The following OTUD5 variants were observed in gnomAD, a reference collection of about 807,000 sequenced individuals.
OTUD5 encodes the protein OTU domain-containing protein 5.
A neutral mutation model predicts 36.3 loss-of-function variants in OTUD5; 2 were observed. The ratio of observed to expected loss-of-function variants is 0.06; its 90% CI spans 0.02 to 0.17. The LOEUF (loss-of-function observed/expected upper bound fraction) is 0.17. Ranked by LOEUF, OTUD5 falls within the 10% of genes least tolerant of loss-of-function variation. The pLI is 1.00. For missense variants in OTUD5, 233 were observed against 512.3 expected, an observed-to-expected ratio of 0.45 and a Z score of 5.26; for synonymous variants, 234 against 214.9, an observed-to-expected ratio of 1.09 and a Z score of -0.78.
chrX:48,938,084 C>T (rs1200806611), intron 2 of OTUD5, among the ~76,000 whole-genome samples: 1 of 111,859 alleles, frequency 8.9e-6, no homozygotes, highest in African/African-American at 3.3e-5. Context: ...AAAGTATGGA[C>T]GAGTTATGAC....
intron 2 of OTUD5, 64 bp downstream of exon 2, chrX:48,944,126 C>A (rs1344834141): frequency 2.5e-6 from 2 of 805,285 alleles, no homozygotes; most frequent in Non-Finnish European, 3.7e-6. Context: ...AGGGGCTATT[C>A]CTGATAACTG....
intron 1 of OTUD5, among the ~76,000 whole-genome samples, chrX:48,949,384 A>T (rs1423446269): frequency 8.9e-6 from 1 of 111,809 alleles, no homozygotes; most frequent in Non-Finnish European, 1.9e-5. Flanking sequence ...TCTCATCTCT[A>T]CAAAAAATAC....
At chrX:48,950,979 T>G (rs1432723036) in intron 1 of OTUD5, among the ~76,000 whole-genome samples, 1 of 110,668 alleles carries the variant, frequency 9.0e-6, no homozygotes, top group Non-Finnish European at 1.9e-5. Flanking sequence ...GCCTCACAGG[T>G]GTGAGACAAT....
At chrX:48,944,106 A>G (rs2063980727) in intron 2 of OTUD5, 84 bp downstream of exon 2, 2 of 668,181 alleles carry the variant, frequency 3.0e-6, no homozygotes, top group Non-Finnish European at 4.8e-6. Context: ...CTCTGCCTCA[A>G]CCCTGTCTCA....
chrX:48,931,764 G>T (rs2063755853), intron 5 of OTUD5, among the ~76,000 whole-genome samples: 1 of 94,473 alleles, frequency 1.1e-5, no homozygotes, highest in Admixed American at 1.2e-4. Context: ...GGGTAACAGA[G>T]AGAAACTCTG....
chrX:48,944,572 G>A (rs1344471846), intron 1 of OTUD5, among the ~76,000 whole-genome samples: 2 of 112,459 alleles, frequency 1.8e-5, no homozygotes, highest in South Asian at 7.2e-4. Flanking sequence ...GGCCCAGGGA[G>A]CCACACTGCC....
rs1602359263 is a variant in OTUD5, at chrX:48,923,010, AGAGT to A, written c.*160_*163del. 2.7e-6 allele frequency: 3 copies of A among 1,099,315 alleles called. No individual in the cohort carries two copies. The African/African-American group carries it at 5.6e-5, about 21-fold the overall frequency. 90.6% of individuals were successfully genotyped at this position (1,099,315 alleles called of 1,213,427 possible). ...GTGATAGTGGCAGCGGCAATGAGAG[AGAGT>A]GCAGGGGTGGGCTAGCCAGAGGGAA... On this transcript the variant is annotated 3_prime_UTR_variant, in exon 9 of 9. Coordinates refer to ENST00000376488, the MANE Select transcript of OTUD5 (RefSeq NM_001136157.2).
At chrX:48,931,373 T>A (rs1443065158) in intron 5 of OTUD5, among the ~76,000 whole-genome samples, 1 of 112,470 alleles carries the variant, frequency 8.9e-6, no homozygotes, top group African/African-American at 3.2e-5. Flanking sequence ...AAAGAGACAT[T>A]TCCTACAAAA....
intron 5 of OTUD5, among the ~76,000 whole-genome samples, chrX:48,927,367 C>T (rs1360540756): frequency 1.8e-5 from 2 of 111,273 alleles, no homozygotes; most frequent in African/African-American, 3.3e-5. Context: ...TGGGATCCCA[C>T]AGGTTGAGGG....
At chrX:48,937,173 G>A (rs1429944037) in intron 2 of OTUD5, among the ~76,000 whole-genome samples, 3 of 111,449 alleles carry the variant, frequency 2.7e-5, no homozygotes, top group Non-Finnish European at 3.8e-5. Context: ...ACTCTCCCCC[G>A]CCCTCCCCAG....
chrX:48,947,607 G>T (rs2147650940), intron 1 of OTUD5, among the ~76,000 whole-genome samples: 1 of 109,273 alleles, frequency 9.2e-6, no homozygotes, highest in South Asian at 4.0e-4. Flanking sequence ...GGAGGCTGAG[G>T]CAGGAGAATC....
chrX:48,952,993 CCAAGGTGTG>C (rs1193203243), intron 1 of OTUD5, among the ~76,000 whole-genome samples: 6 of 112,085 alleles, frequency 5.4e-5, no homozygotes, highest in African/African-American at 1.9e-4. Context: ...CGGCCAAGGT[CCAAGGTGTG>C]CAAGGTCAGA....
intron 5 of OTUD5, among the ~76,000 whole-genome samples, chrX:48,929,335 C>A (rs1191003363): frequency 5.5e-5 from 6 of 109,696 alleles, no homozygotes; most frequent in Non-Finnish European, 1.1e-4. Context: ...TTGCAGTGAG[C>A]CGAGATCGCA....
At chrX:48,947,347 TGTATTCTA>T (rs1489809152) in intron 1 of OTUD5, among the ~76,000 whole-genome samples, 1 of 109,942 alleles carries the variant, frequency 9.1e-6, no homozygotes, top group Non-Finnish European at 1.9e-5. Context: ...ATCATACCAC[TGTATTCTA>T]GCCTAGGCGA....
chrX:48,935,664 C>T (rs1276777831), intron 2 of OTUD5, among the ~76,000 whole-genome samples: 6 of 111,170 alleles, frequency 5.4e-5, no homozygotes, highest in Non-Finnish European at 1.1e-4. Flanking sequence ...ACAGGCCAGG[C>T]GTGGAGGCTC....
chrX:48,956,585 G>A (rs1404344694), intron 1 of OTUD5, among the ~76,000 whole-genome samples: 2 of 111,307 alleles, frequency 1.8e-5, no homozygotes, highest in African/African-American at 3.3e-5. Flanking sequence ...TATCCCAGAG[G>A]AAAAGAGCTC....
intron 5 of OTUD5, 132 bp from the exon 6 acceptor site, chrX:48,926,182 G>A (rs1557047725): frequency 2.1e-6 from 1 of 484,079 alleles, no homozygotes. Context: ...CTCCCAAAGA[G>A]CAACACTCCA....
At chrX:48,926,144 G>A in intron 5 of OTUD5, 94 bp from the exon 6 acceptor site, 5 of 618,020 alleles carry the variant, frequency 8.1e-6, no homozygotes, top group Admixed American at 5.9e-5. Context: ...ACAGGCCCCA[G>A]AAAAAAAAGG....
chrX:48,933,492 T>C (rs1415033099), intron 5 of OTUD5, among the ~76,000 whole-genome samples: 2 of 109,045 alleles, frequency 1.8e-5, no homozygotes, highest in African/African-American at 6.7e-5. Context: ...CTTGGCTCAC[T>C]GCAACCTCTG....
Sources: gnomAD v4.1 joint callset for allele counts (sites outside exome capture counted in the v4.1 genomes callset) on GRCh38, gnomAD v4.1.1 for gene constraint, MANE v1.5 for transcripts, NCBI Gene and HGNC (gene_info 2026-07-23, HGNC 2026-07-21) for gene names.